Variants in ASIC2 observed in about 807,000 individuals in gnomAD.
ASIC2 encodes the protein acid-sensing ion channel 2.
A neutral mutation model predicts 57.3 loss-of-function variants in ASIC2; 25 were observed. The observed-to-expected ratio is 0.44, with a 90% confidence interval of 0.32 to 0.61. The LOEUF (loss-of-function observed/expected upper bound fraction) is 0.61. Among genes scored for constraint, ASIC2 ranks in the 20% least tolerant of loss-of-function variants. The pLI is 0.06. For missense variants in ASIC2, 641 were observed against 738.1 expected, an observed-to-expected ratio of 0.87 and a Z score of 1.52; for synonymous variants, 319 against 307.5, an observed-to-expected ratio of 1.04 and a Z score of -0.39.
intron 1 of ASIC2, among the ~76,000 whole-genome samples, chr17:33,195,320 A>G (rs2142072384): frequency 6.6e-6 from 1 of 152,242 alleles, no homozygotes; most frequent in East Asian, 1.9e-4. Context: ...AAAGCACTCC[A>G]TATCTGCATG....
chr17:33,577,944 T>A (rs1214778615), intron 1 of ASIC2, among the ~76,000 whole-genome samples: 1 of 152,164 alleles, frequency 6.6e-6, no homozygotes, highest in Non-Finnish European at 1.5e-5. Flanking sequence ...GCATTTTTCA[T>A]CCAGCTGCAT....
intron 1 of ASIC2, among the ~76,000 whole-genome samples, chr17:33,982,924 T>G (rs1286491674): frequency 6.6e-6 from 1 of 152,160 alleles, no homozygotes. Flanking sequence ...ATACAAGAAC[T>G]CAAAGTCTTC....
At chr17:33,823,292 T>C (rs1381450031) in intron 1 of ASIC2, among the ~76,000 whole-genome samples, 1 of 152,208 alleles carries the variant, frequency 6.6e-6, no homozygotes, top group African/African-American at 2.4e-5. Flanking sequence ...CACTGTGTCA[T>C]ATTTCATTTG....
Position 33,233,951 on chromosome 17 carries a change from T to C in ASIC2, c.708+57457A>G, listed in dbSNP as rs370935406. Among the ~76,000 whole-genome samples, 12 of 152,294 alleles carry C rather than the reference T, an allele frequency of 7.9e-5. No individual in the cohort carries two copies. In the South Asian group the frequency reaches 2.5e-3, roughly 32 times the overall value. ...CTGCTGAGCCCTGGATGCTGTATTGTAAAAGGGAAAGTAGGTCATGGCCAC... is the reference window on the plus strand; with the variant it reads ...CTGCTGAGCCCTGGATGCTGTATTGCAAAAGGGAAAGTAGGTCATGGCCAC... On this transcript the variant is annotated intron_variant, in intron 1 of 9. Coordinates refer to ENST00000225823, the MANE Select transcript of ASIC2 (RefSeq NM_183377.2).
chr17:34,014,167 C>G (rs979354311), intron 1 of ASIC2, among the ~76,000 whole-genome samples: 5 of 152,154 alleles, frequency 3.3e-5, no homozygotes, highest in Admixed American at 3.3e-4. Flanking sequence ...CTATTCTCAG[C>G]TCTTTATGTG....
At chr17:33,328,880 A>G (rs931872930) in intron 1 of ASIC2, among the ~76,000 whole-genome samples, 15 of 152,218 alleles carry the variant, frequency 9.9e-5, no homozygotes, top group African/African-American at 3.4e-4. Flanking sequence ...TCTCCAGGGG[A>G]TACCCTGCTA....
chr17:33,855,577 G>A (rs1913900524), intron 1 of ASIC2, among the ~76,000 whole-genome samples: 1 of 152,190 alleles, frequency 6.6e-6, no homozygotes, highest in Non-Finnish European at 1.5e-5. Context: ...GATAGATGGA[G>A]TGAAAAATCT....
At chr17:33,822,244 C>T (rs1912765535) in intron 1 of ASIC2, among the ~76,000 whole-genome samples, 1 of 152,154 alleles carries the variant, frequency 6.6e-6, no homozygotes, top group East Asian at 1.9e-4. Flanking sequence ...TAGGCTGCCT[C>T]TCATGTAGGT....
chr17:33,189,547 G>A (rs1051915694), intron 1 of ASIC2, among the ~76,000 whole-genome samples: 1 of 152,020 alleles, frequency 6.6e-6, no homozygotes, highest in African/African-American at 2.4e-5. Context: ...TGAAAAATGC[G>A]AGACCCAACT....
intron 1 of ASIC2, among the ~76,000 whole-genome samples, chr17:34,093,148 A>G (rs1437587027): frequency 6.6e-6 from 1 of 152,224 alleles, no homozygotes; most frequent in African/African-American, 2.4e-5. Flanking sequence ...TTTCTCTTAC[A>G]AAATGCTGCT....
At chr17:33,549,002 T>C (rs1915666020) in intron 1 of ASIC2, among the ~76,000 whole-genome samples, 1 of 152,152 alleles carries the variant, frequency 6.6e-6, no homozygotes, top group Non-Finnish European at 1.5e-5. Context: ...TGGGATTATC[T>C]TGAGTATTTA....
intron 1 of ASIC2, among the ~76,000 whole-genome samples, chr17:33,507,130 C>G (rs766276485): frequency 6.6e-6 from 1 of 152,220 alleles, no homozygotes; most frequent in Non-Finnish European, 1.5e-5. Flanking sequence ...ATACCTGATG[C>G]TCTATCTTCC....
intron 1 of ASIC2, among the ~76,000 whole-genome samples, chr17:33,247,960 A>G (rs1167382683): frequency 6.6e-6 from 1 of 152,254 alleles, no homozygotes; most frequent in Non-Finnish European, 1.5e-5. Context: ...ATAATAAAAC[A>G]GAATATATTT....
intron 1 of ASIC2, among the ~76,000 whole-genome samples, chr17:33,159,484 G>C: frequency 6.6e-6 from 1 of 152,090 alleles, no homozygotes; most frequent in African/African-American, 2.4e-5. Flanking sequence ...CCGTTTTATT[G>C]ATGGGAAAAC....
chr17:33,189,879 A>G (rs1462068822), intron 1 of ASIC2, among the ~76,000 whole-genome samples: 2 of 152,176 alleles, frequency 1.3e-5, no homozygotes, highest in African/African-American at 2.4e-5. Context: ...AACAATGTTT[A>G]TAACACATAG....
At chr17:33,873,590 A>G (rs1363438123) in intron 1 of ASIC2, among the ~76,000 whole-genome samples, 2 of 152,202 alleles carry the variant, frequency 1.3e-5, no homozygotes, top group Non-Finnish European at 2.9e-5. Context: ...CAAAATCCTT[A>G]TCTGTAAAAA....
intron 1 of ASIC2, among the ~76,000 whole-genome samples, chr17:33,419,916 T>C (rs1910987061): frequency 6.6e-6 from 1 of 152,076 alleles, no homozygotes; most frequent in African/African-American, 2.4e-5. Flanking sequence ...CAAAATAAAA[T>C]GGTCCATTCA....
intron 1 of ASIC2, among the ~76,000 whole-genome samples, chr17:33,984,587 G>A (rs909655525): frequency 1.3e-5 from 2 of 152,214 alleles, no homozygotes; most frequent in Non-Finnish European, 2.9e-5. Context: ...ACCACCCGAC[G>A]ATGCAGACAC....
At chr17:33,288,728 A>G (rs1285345787) in intron 1 of ASIC2, among the ~76,000 whole-genome samples, 1 of 92,202 alleles carries the variant, frequency 1.1e-5, no homozygotes, top group Non-Finnish European at 2.3e-5. Context: ...ACACACACAC[A>G]CACACACACA....
Sources: allele counts gnomAD v4.1 joint callset (sites outside exome capture counted in the v4.1 genomes callset), GRCh38; gene constraint gnomAD v4.1.1; transcripts MANE v1.5; gene names NCBI Gene and HGNC (gene_info 2026-07-23, HGNC 2026-07-21).